The following EXT1 variants were observed in gnomAD, a reference collection of about 807,000 sequenced individuals.
The protein encoded by EXT1 is exostosin-1.
A neutral mutation model predicts 82.5 loss-of-function variants in EXT1; 20 were observed. The observed-to-expected ratio is 0.24, with a 90% confidence interval of 0.17 to 0.35. The LOEUF (loss-of-function observed/expected upper bound fraction) is 0.35, where lower values mean the gene tolerates loss of function less well. Among genes scored for constraint, EXT1 ranks in the 10% least tolerant of loss-of-function variants. The pLI is 1.00. For missense variants in EXT1, 757 were observed against 936.5 expected, an observed-to-expected ratio of 0.81 and a Z score of 2.50; for synonymous variants, 348 against 350.8, an observed-to-expected ratio of 0.99 and a Z score of 0.09.
intron 1 of EXT1, among the ~76,000 whole-genome samples, chr8:118,039,176 G>A (rs149531688): frequency 6.6e-6 from 1 of 152,350 alleles, no homozygotes; most frequent in African/African-American, 2.4e-5. Flanking sequence ...ATTCTGAACA[G>A]TGGAAGTATA....
At chr8:118,059,169 G>C (rs11562814) in intron 1 of EXT1, among the ~76,000 whole-genome samples, 51,721 of 152,126 alleles carry the variant, frequency 0.34, 10,114 homozygotes, top group Middle Eastern at 0.48. Context: ...TTCAGAGCAG[G>C]TACAAGCCTT....
intron 1 of EXT1, among the ~76,000 whole-genome samples, chr8:117,909,667 T>C (rs976308406): frequency 6.6e-6 from 1 of 152,216 alleles, no homozygotes; most frequent in African/African-American, 2.4e-5. Flanking sequence ...CATAGTTGGA[T>C]GGTACATGCA....
intron 1 of EXT1, among the ~76,000 whole-genome samples, chr8:117,868,516 A>G (rs555394490): frequency 6.6e-6 from 1 of 152,236 alleles, no homozygotes; most frequent in South Asian, 2.1e-4. Context: ...GAGTGGCACA[A>G]TCATAGCTTA....
intron 1 of EXT1, among the ~76,000 whole-genome samples, chr8:118,076,402 C>T (rs138657769): frequency 1.4e-4 from 21 of 152,310 alleles, no homozygotes; most frequent in East Asian, 1.2e-3. Flanking sequence ...CAGCTGTAAA[C>T]GTTAGTAAGT....
intron 1 of EXT1, among the ~76,000 whole-genome samples, chr8:117,879,835 A>G (rs2129916393): frequency 6.6e-6 from 1 of 152,360 alleles, no homozygotes; most frequent in Non-Finnish European, 1.5e-5. Context: ...GTATTATTTC[A>G]GCCACTTTGG....
intron 1 of EXT1, among the ~76,000 whole-genome samples, chr8:118,064,817 T>C (rs145284487): frequency 0.026 from 4,019 of 152,022 alleles, 161 homozygotes; most frequent in African/African-American, 0.09. Flanking sequence ...TGTTCGTATT[T>C]CTCTACATCT....
At chr8:118,055,740 AT>A (rs1249510811) in intron 1 of EXT1, among the ~76,000 whole-genome samples, 1 of 152,226 alleles carries the variant, frequency 6.6e-6, no homozygotes, top group Non-Finnish European at 1.5e-5. Context: ...AGATTAAATG[AT>A]TATTATTATT....
At chr8:118,003,328 A>T (rs17476296) in intron 1 of EXT1, among the ~76,000 whole-genome samples, 2,947 of 152,192 alleles carry the variant, frequency 0.019, 38 homozygotes, top group Middle Eastern at 0.031. Flanking sequence ...GGGTGCACTG[A>T]AATCTCAGAA....
At chr8:118,031,519 C>A (rs1816318853) in intron 1 of EXT1, among the ~76,000 whole-genome samples, 2 of 147,968 alleles carry the variant, frequency 1.4e-5, no homozygotes, top group Non-Finnish European at 1.5e-5. Context: ...AGTGAGGTTC[C>A]ATCTCAAAAA....
At chr8:118,051,718 G>A (rs1048935674) in intron 1 of EXT1, among the ~76,000 whole-genome samples, 1 of 152,140 alleles carries the variant, frequency 6.6e-6, no homozygotes. Flanking sequence ...ACGGAGTGCT[G>A]GTCAGTTGCT....
chr8:118,082,908 G>A (rs72675806), intron 1 of EXT1, among the ~76,000 whole-genome samples: 3,362 of 152,234 alleles, frequency 0.022, 64 homozygotes, highest in Middle Eastern at 0.088. Flanking sequence ...AGTTTGGAGC[G>A]AGGGAAAGAA....
intron 1 of EXT1, among the ~76,000 whole-genome samples, chr8:117,958,948 GCTA>G (rs1483695915): frequency 6.6e-6 from 1 of 152,034 alleles, no homozygotes; most frequent in Non-Finnish European, 1.5e-5. Flanking sequence ...CCTTTCTGAG[GCTA>G]CTGAGAACAA....
chr8:118,032,713 T>C (rs1476266236), intron 1 of EXT1, among the ~76,000 whole-genome samples: 1 of 152,012 alleles, frequency 6.6e-6, no homozygotes, highest in Non-Finnish European at 1.5e-5. Flanking sequence ...TTTCTCCACG[T>C]TGGTCAGGCT....
chr8:117,813,082 A>T (rs575738170), intron 7 of EXT1, 121 bp from the exon 8 acceptor site: 6 of 756,192 alleles, frequency 7.9e-6, no homozygotes, highest in Non-Finnish European at 1.4e-5. Context: ...CTATCATGTC[A>T]CCCCTCAACA....
intron 1 of EXT1, among the ~76,000 whole-genome samples, chr8:118,054,470 A>G (rs1586366446): frequency 1.3e-5 from 2 of 152,262 alleles, no homozygotes; most frequent in Non-Finnish European, 2.9e-5. Context: ...CTGAACTTCC[A>G]GTTTTGCAAT....
chr8:117,906,560 A>C (rs940367579), intron 1 of EXT1, among the ~76,000 whole-genome samples: 2 of 152,220 alleles, frequency 1.3e-5, no homozygotes, highest in African/African-American at 4.8e-5. Flanking sequence ...ACACCTTATG[A>C]CCTCAGAAAA....
chr8:118,108,165 G>C (rs188176964), intron 1 of EXT1, among the ~76,000 whole-genome samples: 1 of 152,264 alleles, frequency 6.6e-6, no homozygotes, highest in South Asian at 2.1e-4. Flanking sequence ...CCATTCCACA[G>C]AAAACGTAGA....
intron 1 of EXT1, among the ~76,000 whole-genome samples, chr8:117,934,083 C>G (rs142399574): frequency 2.6e-5 from 4 of 152,124 alleles, no homozygotes; most frequent in Non-Finnish European, 2.9e-5. Flanking sequence ...TACCTCAACA[C>G]GCACTGCTTC....
At chr8:118,037,517 T>C (rs1816445031) in intron 1 of EXT1, among the ~76,000 whole-genome samples, 1 of 151,978 alleles carries the variant, frequency 6.6e-6, no homozygotes, top group Non-Finnish European at 1.5e-5. Flanking sequence ...AGCCAGAAGA[T>C]TCTTTATAGC....
Sources: allele counts gnomAD v4.1 joint callset (sites outside exome capture counted in the v4.1 genomes callset), GRCh38; gene constraint gnomAD v4.1.1; transcripts MANE v1.5; gene names NCBI Gene and HGNC (gene_info 2026-07-23, HGNC 2026-07-21).